Variants in BMP1 observed in about 807,000 individuals in gnomAD.
BMP1 encodes mammalian tolloid protein.
Under a neutral mutation model 116.8 loss-of-function variants are expected in BMP1, and 63 were observed. The observed-to-expected ratio is 0.54, with a 90% confidence interval of 0.44 to 0.67. The LOEUF is 0.67. Among genes scored for constraint, BMP1 ranks in the 30% least tolerant of loss-of-function variants. The probability of loss-of-function intolerance (pLI) is 0.00; values close to 1 mark genes in which losing one functional copy is unlikely to be tolerated. For synonymous variants in BMP1, 536 were observed against 533.4 expected (o/e 1.00, Z -0.07); for missense variants, 1,183 against 1,358.9 (o/e 0.87, Z 2.04).
chr8:22,186,809 A>T (rs577580503), intron 8 of BMP1, among the ~76,000 whole-genome samples: 39 of 152,054 alleles, frequency 2.6e-4, no homozygotes, highest in Non-Finnish European at 4.7e-4. Context: ...ACCTACCACA[A>T]GGGGGATACT....
At chr8:22,191,603 AAAAC>A (rs759082667) in intron 8 of BMP1, among the ~76,000 whole-genome samples, 3 of 152,150 alleles carry the variant, frequency 2.0e-5, no homozygotes, top group African/African-American at 4.8e-5. Flanking sequence ...ACCCTGACTC[AAAAC>A]AAACAAACAA....
At chr8:22,165,698 A>T in intron 1 of BMP1, 145 bp downstream of exon 1, 4 of 590,556 alleles carry the variant, frequency 6.8e-6, no homozygotes, top group African/African-American at 2.2e-5. Context: ...AACGAGGGGG[A>T]GAGGGAGGGG....
At chr8:22,207,875 T>A (rs1027161364) in intron 18 of BMP1, among the ~76,000 whole-genome samples, 3 of 152,238 alleles carry the variant, frequency 2.0e-5, no homozygotes, top group African/African-American at 7.2e-5. Flanking sequence ...TTTTTTTATT[T>A]TTATTTTTAT....
chr8:22,205,295 G>A (rs1159417807), intron 16 of BMP1, among the ~76,000 whole-genome samples: 1 of 152,158 alleles, frequency 6.6e-6, no homozygotes, highest in Admixed American at 6.5e-5. Context: ...AAGTGGTCTG[G>A]GGGCCCAGGT....
Position 22,194,423 on chromosome 8 carries a change from AC to A in BMP1, c.1298-18del, listed in dbSNP as rs1389250301. 1 of 1,613,288 alleles carries A rather than the reference AC, an allele frequency of 6.2e-7. No homozygotes were observed. The highest frequency in any genetic ancestry group is 8.5e-7 in the Non-Finnish European group (1 of 1,179,714). On this transcript the variant is annotated intron_variant, in intron 10 of 19. Coordinates refer to ENST00000306385, the MANE Select transcript of BMP1 (RefSeq NM_006129.5). This position sits in a 1 kb window ranked among gnomAD's most constrained non-coding sequence, Gnocchi z 4.5. Reference sequence around the variant, plus strand: ...GCATGCTGACTCACCACCCCTTCCCACCCCATCCTGTGTCCCCACAGCCATC... The same window carrying A: ...GCATGCTGACTCACCACCCCTTCCCACCCATCCTGTGTCCCCACAGCCATC...
intron 15 of BMP1, chr8:22,200,988 C>T (rs1829244444): frequency 3.3e-6 from 1 of 301,768 alleles, no homozygotes. Context: ...TCCGCCTGCC[C>T]TCCCGCCCCA....
chr8:22,185,709 C>T (rs1300929417), intron 8 of BMP1, among the ~76,000 whole-genome samples: 2 of 151,934 alleles, frequency 1.3e-5, no homozygotes, highest in East Asian at 3.9e-4. Context: ...TTGACCTCTG[C>T]CCCCCGAGTT....
chr8:22,203,428 G>A (rs1245311274), intron 16 of BMP1, among the ~76,000 whole-genome samples: 1 of 152,066 alleles, frequency 6.6e-6, no homozygotes, highest in African/African-American at 2.4e-5. Flanking sequence ...GTGGTGGGAC[G>A]CACCTGTAAT....
chr8:22,178,126 T>C (rs1828507223), intron 6 of BMP1, among the ~76,000 whole-genome samples, 169 bp downstream of exon 6: 1 of 152,168 alleles, frequency 6.6e-6, no homozygotes, highest in Admixed American at 6.5e-5. Context: ...CCTGCCCTCC[T>C]GTCCTCTTCC....
At chr8:22,199,124 T>G in intron 15 of BMP1, 1 of 1,367,556 alleles carries the variant, frequency 7.3e-7, no homozygotes, top group East Asian at 4.6e-5. Flanking sequence ...CCCTCAGCCC[T>G]GCACGGAGAC....
intron 1 of BMP1, among the ~76,000 whole-genome samples, chr8:22,166,849 G>C (rs1238759982): frequency 6.6e-6 from 1 of 152,202 alleles, no homozygotes; most frequent in Non-Finnish European, 1.5e-5. Flanking sequence ...GCTGGGGGCT[G>C]GGAGTGGGTA....
At chr8:22,169,273 A>T (rs979257571) in intron 1 of BMP1, 7 of 151,796 alleles carry the variant, frequency 4.6e-5, no homozygotes, top group African/African-American at 1.7e-4. Flanking sequence ...TCCTCAGTCC[A>T]CTAAGAACCT....
At position 22,179,720 on chromosome 8, in the gene BMP1, T is replaced by C. The variant is rs1828556935; in HGVS notation, c.852T>C (p.Asp284=). Reference sequence around the variant, plus strand: ...TCTTCTTCAGGGGCATCTTCCTGGATACCATTGTCCCCAAGTATGAGGTGA... The same window carrying C: ...TCTTCTTCAGGGGCATCTTCCTGGACACCATTGTCCCCAAGTATGAGGTGA... ...RNTFSRGIFL[D]TIVPKYEVNG... The change falls in exon 7 of 20, where the codon GAT becomes GAC. Residue 284 remains aspartate (D), a synonymous_variant. Coordinates refer to ENST00000306385, the MANE Select transcript of BMP1 (RefSeq NM_006129.5). The surrounding 1 kb of genome is among the most constrained non-coding windows in gnomAD (Gnocchi z 4.6). The C allele has an allele frequency of 1.9e-6, 3 of 1,613,930 alleles. No individual in the cohort carries two copies. The Admixed American group carries it at 5.0e-5, about 27-fold the overall frequency.
rs777387304 is a variant in BMP1, at chr8:22,207,384, G to T, written c.2443G>T (p.Ala815Ser). The T allele has an allele frequency of 1.9e-6, 3 of 1,614,188 alleles. No homozygotes were observed. Among genetic ancestry groups the T allele is most frequent in the South Asian group, 1.1e-5 (1 of 91,084 alleles). ...LEVFDGRDAK[A>S]PVLGRFCGSK... Reference sequence around the variant, plus strand: ...GGTGTTCGACGGGCGAGACGCCAAGGCCCCCGTCCTCGGCCGCTTCTGTGG... The same window carrying T: ...GGTGTTCGACGGGCGAGACGCCAAGTCCCCCGTCCTCGGCCGCTTCTGTGG... The change falls in exon 18 of 20, where the codon GCC becomes TCC. Residue 815 changes from alanine to serine, a missense_variant. Ala to Ser is a moderately conservative substitution (Grantham distance 99, BLOSUM62 1). This residue lies in a region of BMP1 where 956 missense variants were observed against 1,135.2 expected (regional missense o/e 0.84). Coordinates refer to ENST00000306385, the MANE Select transcript of BMP1 (RefSeq NM_006129.5).
chr8:22,201,353 C>T, intron 15 of BMP1: 7 of 1,485,378 alleles, frequency 4.7e-6, no homozygotes, highest in Non-Finnish European at 6.2e-6. Flanking sequence ...GCTCTCTTCT[C>T]CCCACTGTGC....
intron 13 of BMP1, chr8:22,196,304 C>A: frequency 1.8e-6 from 1 of 557,348 alleles, no homozygotes; most frequent in Non-Finnish European, 3.5e-6. Context: ...CTCACTAGGC[C>A]GATCCTGCTG....
At chr8:22,193,374 T>G (rs553340371) in intron 9 of BMP1, among the ~76,000 whole-genome samples, 1 of 152,372 alleles carries the variant, frequency 6.6e-6, no homozygotes, top group African/African-American at 2.4e-5. Context: ...ATATTTCTGA[T>G]TTTATTTCTT....
chr8:22,209,385 TGC>T, intron 18 of BMP1, 58 bp from the exon 19 acceptor site: 1 of 1,587,022 alleles, frequency 6.3e-7, no homozygotes, highest in Non-Finnish European at 8.6e-7. Flanking sequence ...TGGCATAGTG[TGC>T]CATGGGGCCT....
intron 8 of BMP1, among the ~76,000 whole-genome samples, chr8:22,187,514 T>TC (rs1410229779): frequency 7.0e-6 from 1 of 143,826 alleles, no homozygotes; most frequent in Non-Finnish European, 1.5e-5. Context: ...TTTTTTTTTT[T>TC]TTTTTTTTGT....
Sources: gnomAD v4.1 joint callset for allele counts (sites outside exome capture counted in the v4.1 genomes callset) on GRCh38, gnomAD v4.1.1 for gene constraint, gnomAD v4.1.1 regional missense constraint, Gnocchi (gnomAD v3.1) non-coding constraint, MANE v1.5 for transcripts, NCBI Gene and HGNC (gene_info 2026-07-23, HGNC 2026-07-21) for gene names.